IQSEC1: variants seen among roughly 807,000 people sequenced by gnomAD.
The protein encoded by IQSEC1 is IQ motif and Sec7 domain ArfGEF 1.
A neutral mutation model predicts 91.0 loss-of-function variants in IQSEC1; 31 were observed. The observed-to-expected ratio is 0.34, with a 90% CI of 0.26 to 0.46. IQSEC1 has a LOEUF of 0.46. Among genes scored for constraint, IQSEC1 ranks in the 20% least tolerant of loss-of-function variants. The pLI, the probability that IQSEC1 is intolerant of heterozygous loss-of-function variation, is 1.00. For missense variants in IQSEC1, 1,388 were observed against 1,575.6 expected (o/e 0.88, Z 2.02); for synonymous variants, 699 against 662.6 (o/e 1.05, Z -0.84).
rs1189844864 is a variant in IQSEC1, at chr3:13,207,911, G to C, written c.273-43778C>G. 6.6e-6 allele frequency among the ~76,000 whole-genome samples: 1 copy of C among 152,136 alleles called. No homozygotes were observed. Among genetic ancestry groups the C allele is most frequent in the Non-Finnish European group, 1.5e-5 (1 of 68,030 alleles). On this transcript the variant is annotated intron_variant, in intron 1 of 15. Transcript: ENST00000648114. The surrounding 1 kb of genome is among the most constrained non-coding windows in gnomAD (Gnocchi z 4.8). ...CTCCTCACTGCAACATCAGCTCCAA[G>C]AGAGAGCACAGCTTTGTCACTACAG...
At position 12,908,450 on chromosome 3, in the gene IQSEC1, T is replaced by C; in HGVS notation, c.2654A>G (p.Asn885Ser). Residue 885 changes from asparagine (N) to serine (S), a missense_variant, in exon 12 of 14, where the codon AAC becomes AGC. Physicochemically the swap from Asn to Ser is conservative, Grantham distance 46. Coordinates refer to ENST00000613206, the MANE Select transcript of IQSEC1 (RefSeq NM_001134382.3). The surrounding 1 kb of genome is among the most constrained non-coding windows in gnomAD (Gnocchi z 4.9). The stretch of plus-strand genomic sequence containing the variant: ...CAGGCAGGCCCGGCTCAGTGTTCCG[T>C]TGCCCGACTCCTTTTTGAGGCTAGA... ...QCSSLKKESG[N>S]GTLSRACLDD... 1 of 1,613,568 alleles carries C rather than the reference T, an allele frequency of 6.2e-7. No individual in the cohort carries two copies. The highest frequency in any genetic ancestry group is 1.1e-5 in the South Asian group (1 of 91,074).
intron 1 of IQSEC1, among the ~76,000 whole-genome samples, chr3:12,988,085 A>T (rs1701826766): frequency 6.6e-6 from 1 of 152,232 alleles, no homozygotes; most frequent in East Asian, 1.9e-4. Flanking sequence ...CTGCATACAT[A>T]AGCTGTGGCC....
At chr3:12,956,359 C>T (rs1278178005) in intron 1 of IQSEC1, among the ~76,000 whole-genome samples, 1 of 152,208 alleles carries the variant, frequency 6.6e-6, no homozygotes, top group African/African-American at 2.4e-5. Flanking sequence ...CACCAATTCC[C>T]GAGAGGCAGG....
chr3:13,072,874 G>A, intron 1 of IQSEC1, 118 bp downstream of exon 1: 1 of 906,300 alleles, frequency 1.1e-6, no homozygotes, highest in Non-Finnish European at 1.7e-6. Context: ...AGCTCCCTCT[G>A]CAAGTCACCT....
chr3:13,029,886 G>A (rs1481085532), intron 1 of IQSEC1, among the ~76,000 whole-genome samples: 1 of 152,206 alleles, frequency 6.6e-6, no homozygotes, highest in Non-Finnish European at 1.5e-5. Context: ...ACCCAGACCT[G>A]TAGAGGTAAG....
intron 1 of IQSEC1, among the ~76,000 whole-genome samples, chr3:13,005,935 A>T (rs1702617207): frequency 6.6e-6 from 1 of 152,212 alleles, no homozygotes; most frequent in South Asian, 2.1e-4. Flanking sequence ...CACTGCCCAG[A>T]GCAGTGCACA....
chr3:13,100,201 T>C (rs73812885), intron 2 of IQSEC1, among the ~76,000 whole-genome samples: 4,112 of 146,680 alleles, frequency 0.028, 647 homozygotes, highest in African/African-American at 0.098. Context: ...GCACAGGGAG[T>C]TGGGGGGTGT....
chr3:12,978,100 T>C (rs1171792498), intron 1 of IQSEC1, among the ~76,000 whole-genome samples: 2 of 152,248 alleles, frequency 1.3e-5, no homozygotes, highest in Non-Finnish European at 2.9e-5. Flanking sequence ...TGGCGTCAAC[T>C]ACATTCCTGC....
In IQSEC1 at chr3:12,897,765, C is replaced by T. The variant is rs1370369808; in HGVS notation, c.*3218G>A. The T allele has an allele frequency of 6.6e-6, 1 of 152,206 alleles. No homozygotes were observed. The highest frequency in any genetic ancestry group is 6.5e-5 in the Admixed American group (1 of 15,278). 9.4% of individuals were successfully genotyped at this position (152,206 alleles called of 1,614,324 possible). ...GTCAACACCCAGCATCAGCTGTGAA[C>T]ATCTGCTGTCTTTTCAGCTCATTAA... On this transcript the variant is annotated 3_prime_UTR_variant, in exon 14 of 14. Transcript: ENST00000613206.
At position 12,924,192 on chromosome 3, in the gene IQSEC1, C is replaced by T. The variant is rs1027731172; in HGVS notation, c.1730+389G>A. ...GCCAGGCCAGGGGAAGAGGCCCTGA[C>T]GTCCAGCTGCCTGCTCCTGCCAGCC... On this transcript the variant is annotated intron_variant, in intron 4 of 13. Coordinates refer to ENST00000613206, the MANE Select transcript of IQSEC1 (RefSeq NM_001134382.3). This position sits in a 1 kb window ranked among gnomAD's most constrained non-coding sequence, Gnocchi z 6.3. Among the ~76,000 whole-genome samples the T allele has an allele frequency of 2.0e-5, 3 of 152,184 alleles. No individual in the cohort carries two copies. The highest frequency in any genetic ancestry group is 1.3e-4 in the Admixed American group (2 of 15,286).
intron 1 of IQSEC1, among the ~76,000 whole-genome samples, chr3:12,976,537 C>A (rs961016302): frequency 2.0e-5 from 3 of 152,158 alleles, no homozygotes; most frequent in Non-Finnish European, 2.9e-5. Flanking sequence ...GGAGACAGAC[C>A]TCATACATGA....
At chr3:13,021,949 C>T (rs1171374467) in intron 1 of IQSEC1, 2 of 962,812 alleles carry the variant, frequency 2.1e-6, no homozygotes, top group Admixed American at 4.3e-5. Context: ...ATCCCAGCTC[C>T]TTCCTGGACC....
intron 1 of IQSEC1, among the ~76,000 whole-genome samples, chr3:13,030,402 G>A (rs190151116): frequency 1.1e-4 from 17 of 152,214 alleles, no homozygotes; most frequent in Admixed American, 9.8e-4. Context: ...GCTCAGCTTC[G>A]CCCCACCTTT....
At chr3:12,926,420 G>A (rs974963922) in intron 3 of IQSEC1, among the ~76,000 whole-genome samples, 26 of 152,232 alleles carry the variant, frequency 1.7e-4, no homozygotes, top group Non-Finnish European at 8.8e-5. Flanking sequence ...AGGCCACTCA[G>A]GGAGCTGTAT....
At chr3:12,933,748 T>G (rs576756251) in intron 3 of IQSEC1, among the ~76,000 whole-genome samples, 5 of 152,192 alleles carry the variant, frequency 3.3e-5, no homozygotes, top group African/African-American at 1.2e-4. Context: ...TGCACACAAA[T>G]GCACAGGAAA....
intron 3 of IQSEC1, among the ~76,000 whole-genome samples, chr3:12,925,505 T>A (rs1437775216): frequency 3.9e-5 from 6 of 152,156 alleles, no homozygotes. Context: ...AACGACGCAC[T>A]CAGTAAGCAC....
At position 12,970,042 on chromosome 3, in the gene IQSEC1, C is replaced by T. The variant is rs1700818569; in HGVS notation, c.24-28177G>A. Among the ~76,000 whole-genome samples the T allele has an allele frequency of 6.6e-6, 1 of 152,230 alleles. No individual in the cohort carries two copies. Among genetic ancestry groups the T allele is most frequent in the Non-Finnish European group, 1.5e-5 (1 of 68,054 alleles). ...GACTGGTCAGAATCCTTGCATGCAC[C>T]ATTCAGGCAAATTGCTTAGTTTTCT... On this transcript the variant is annotated intron_variant, in intron 1 of 13. Coordinates refer to ENST00000613206, the MANE Select transcript of IQSEC1 (RefSeq NM_001134382.3). The surrounding 1 kb of genome is among the most constrained non-coding windows in gnomAD (Gnocchi z 4.4).
chr3:12,899,485 G>C lies in IQSEC1; in HGVS notation c.*1498C>G. ...TCGGGCACAGACCTGCCGCGTGCAGGTCTGGCCCTGGGGAGCGCATGGTGT... is the reference window on the plus strand; with the variant it reads ...TCGGGCACAGACCTGCCGCGTGCAGCTCTGGCCCTGGGGAGCGCATGGTGT... On this transcript the variant is annotated 3_prime_UTR_variant, in exon 14 of 14. Coordinates refer to ENST00000613206, the MANE Select transcript of IQSEC1 (RefSeq NM_001134382.3). The C allele has an allele frequency of 6.3e-7, 1 of 1,590,836 alleles. No homozygotes were observed. Among genetic ancestry groups the C allele is most frequent in the Non-Finnish European group, 8.6e-7 (1 of 1,168,746 alleles).
chr3:13,118,945 C>T (rs1026213068), intron 2 of IQSEC1, among the ~76,000 whole-genome samples: 4 of 152,094 alleles, frequency 2.6e-5, no homozygotes, highest in African/African-American at 4.8e-5. Context: ...TAGTGGCACT[C>T]GCCTGTAGCC....
Sources: gnomAD v4.1 joint callset for allele counts (sites outside exome capture counted in the v4.1 genomes callset) on GRCh38, gnomAD v4.1.1 for gene constraint, Gnocchi (gnomAD v3.1) non-coding constraint, MANE v1.5 for transcripts, NCBI Gene and HGNC (gene_info 2026-07-23, HGNC 2026-07-21) for gene names.